The following CDH8 variants were observed in gnomAD, a reference collection of about 807,000 sequenced individuals.
CDH8 encodes cadherin-8.
Under a neutral mutation model 68.1 loss-of-function variants are expected in CDH8, and 17 were observed. That is an observed-to-expected ratio of 0.25 (90% confidence interval 0.17 to 0.37). CDH8 has a LOEUF of 0.37. Ranked by LOEUF, CDH8 falls within the 10% of genes least tolerant of loss-of-function variation. The probability of loss-of-function intolerance (pLI) is 1.00; values close to 1 mark genes in which losing one functional copy is unlikely to be tolerated. For missense variants in CDH8, 763 were observed against 999.3 expected (o/e 0.76, Z 3.19); for synonymous variants, 372 against 365.1 (o/e 1.02, Z -0.21).
chr16:61,677,574 A>C (rs1393830995), intron 10 of CDH8, among the ~76,000 whole-genome samples: 1 of 151,592 alleles, frequency 6.6e-6, no homozygotes, highest in Non-Finnish European at 1.5e-5. Context: ...AATTGCAACA[A>C]CCCCCAATCT....
intron 3 of CDH8, among the ~76,000 whole-genome samples, chr16:61,863,884 T>C (rs1048418403): frequency 6.6e-6 from 1 of 152,180 alleles, no homozygotes; most frequent in African/African-American, 2.4e-5. Context: ...ACTTAAACAT[T>C]CATGCATCCC....
chr16:61,750,045 A>G (rs1960118712), intron 8 of CDH8, among the ~76,000 whole-genome samples: 1 of 151,778 alleles, frequency 6.6e-6, no homozygotes, highest in Non-Finnish European at 1.5e-5. Context: ...TGGTTTTTCA[A>G]CCCTTTGTCC....
chr16:61,669,117 G>C (rs1235468655), intron 10 of CDH8, among the ~76,000 whole-genome samples: 1 of 151,922 alleles, frequency 6.6e-6, no homozygotes, highest in Non-Finnish European at 1.5e-5. Context: ...TCATTTTGTT[G>C]AATCTCGTGA....
At chr16:61,982,377 G>C (rs1014851340) in intron 2 of CDH8, among the ~76,000 whole-genome samples, 5 of 151,998 alleles carry the variant, frequency 3.3e-5, no homozygotes, top group Non-Finnish European at 5.9e-5. Context: ...CCGCCACCTC[G>C]CCCGGCTAAT....
chr16:61,732,358 G>T (rs200780334), intron 8 of CDH8, among the ~76,000 whole-genome samples: 1 of 151,504 alleles, frequency 6.6e-6, no homozygotes, highest in Admixed American at 6.6e-5. Context: ...TGAGACCAGC[G>T]GGAGGTGAAC....
intron 2 of CDH8, among the ~76,000 whole-genome samples, chr16:61,961,334 A>C (rs1965151322): frequency 6.6e-6 from 1 of 152,044 alleles, no homozygotes; most frequent in Non-Finnish European, 1.5e-5. Context: ...AAGAACATGA[A>C]TTGGATCACA....
intron 3 of CDH8, among the ~76,000 whole-genome samples, chr16:61,881,671 C>T (rs1358211362): frequency 6.6e-6 from 1 of 152,186 alleles, no homozygotes; most frequent in Non-Finnish European, 1.5e-5. Flanking sequence ...TGAAATATCA[C>T]ATGCCAAGCA....
At chr16:61,668,231 A>G (rs992241977) in intron 10 of CDH8, among the ~76,000 whole-genome samples, 13 of 151,954 alleles carry the variant, frequency 8.6e-5, no homozygotes, top group African/African-American at 3.1e-4. Flanking sequence ...ATTATGAAAA[A>G]GTTATCATTT....
At chr16:61,725,501 A>T (rs1959328723) in intron 9 of CDH8, 1 of 150,902 alleles carries the variant, frequency 6.6e-6, no homozygotes, top group Admixed American at 6.6e-5. Flanking sequence ...TGATTGAAAA[A>T]GTCTAGCTTA....
At chr16:61,908,788 A>G (rs1031697248) in intron 2 of CDH8, among the ~76,000 whole-genome samples, 1 of 152,212 alleles carries the variant, frequency 6.6e-6, no homozygotes, top group Non-Finnish European at 1.5e-5. Context: ...GTTATCTTTC[A>G]TTCGGTCCTT....
At chr16:61,797,089 CTG>C (rs899296713) in intron 7 of CDH8, among the ~76,000 whole-genome samples, 1 of 151,506 alleles carries the variant, frequency 6.6e-6, no homozygotes, top group Non-Finnish European at 1.5e-5. Context: ...CCACCTCTTT[CTG>C]TGTGTGTGTG....
intron 2 of CDH8, among the ~76,000 whole-genome samples, chr16:61,913,866 A>T (rs113415447): frequency 0.014 from 2,146 of 152,296 alleles, 58 homozygotes; most frequent in African/African-American, 0.048. Flanking sequence ...CAAAAACAAA[A>T]ATAATCATTT....
At chr16:61,890,941 C>T (rs547994624) in intron 3 of CDH8, among the ~76,000 whole-genome samples, 9 of 152,144 alleles carry the variant, frequency 5.9e-5, no homozygotes, top group Non-Finnish European at 1.0e-4. Flanking sequence ...GAATCTGAGA[C>T]AGCTCAGACA....
At chr16:61,919,012 C>A (rs555119951) in intron 2 of CDH8, among the ~76,000 whole-genome samples, 1 of 147,406 alleles carries the variant, frequency 6.8e-6, no homozygotes, top group Non-Finnish European at 1.5e-5. Context: ...CTGACCCTGA[C>A]CCCCGAGCAG....
At chr16:61,709,409 A>G (rs1181756029) in intron 10 of CDH8, among the ~76,000 whole-genome samples, 2 of 152,142 alleles carry the variant, frequency 1.3e-5, no homozygotes, top group Admixed American at 6.6e-5. Flanking sequence ...AGCTGGAGAA[A>G]AGAGGAAGGA....
chr16:61,691,224 A>C (rs1391336714), intron 10 of CDH8, among the ~76,000 whole-genome samples: 2 of 151,932 alleles, frequency 1.3e-5, no homozygotes, highest in African/African-American at 4.8e-5. Context: ...TCATTGTCTT[A>C]ATTATTGCTT....
At chr16:61,747,369 A>G (rs1960049736) in intron 8 of CDH8, among the ~76,000 whole-genome samples, 1 of 152,068 alleles carries the variant, frequency 6.6e-6, no homozygotes, top group African/African-American at 2.4e-5. Context: ...CCTTTTTAAA[A>G]GGCATAGCTA....
At chr16:61,958,461 T>C (rs879800075) in intron 2 of CDH8, among the ~76,000 whole-genome samples, 3 of 152,158 alleles carry the variant, frequency 2.0e-5, no homozygotes, top group Non-Finnish European at 4.4e-5. Flanking sequence ...AATTCTATCA[T>C]CCTTATAATT....
At chr16:61,887,855 A>G (rs1186908626) in intron 3 of CDH8, among the ~76,000 whole-genome samples, 1 of 152,128 alleles carries the variant, frequency 6.6e-6, no homozygotes, top group Non-Finnish European at 1.5e-5. Flanking sequence ...TGCTTGACAT[A>G]TATAATGCCC....
Sources: allele counts gnomAD v4.1 joint callset (sites outside exome capture counted in the v4.1 genomes callset), GRCh38; gene constraint gnomAD v4.1.1; transcripts MANE v1.5; gene names NCBI Gene and HGNC (gene_info 2026-07-23, HGNC 2026-07-21).